SUPT3H: variants seen among roughly 807,000 people sequenced by gnomAD.
SUPT3H encodes SPT3 homolog, SAGA and STAGA complex component.
A neutral mutation model predicts 44.3 loss-of-function variants in SUPT3H; 44 were observed. The observed-to-expected ratio is 0.99, with a 90% CI of 0.78 to 1.28. The LOEUF is 1.28. Among genes scored for constraint, SUPT3H ranks in the 50% most tolerant of loss-of-function variants. The pLI, the probability that SUPT3H is intolerant of heterozygous loss-of-function variation, is 0.00. For missense variants in SUPT3H, 380 were observed against 387.1 expected, an observed-to-expected ratio of 0.98 and a Z score of 0.15; for synonymous variants, 124 against 125.6, an observed-to-expected ratio of 0.99 and a Z score of 0.09.
intron 2 of SUPT3H, among the ~76,000 whole-genome samples, chr6:45,339,610 T>A (rs1279887691): frequency 6.6e-6 from 1 of 151,400 alleles, no homozygotes; most frequent in Non-Finnish European, 1.5e-5. Flanking sequence ...ATAAGGAAAA[T>A]AAGAAGTACA....
chr6:45,373,799 C>T (rs1474581514), intron 1 of SUPT3H, among the ~76,000 whole-genome samples: 1 of 151,892 alleles, frequency 6.6e-6, no homozygotes, highest in Non-Finnish European at 1.5e-5. Context: ...GTGATCCACC[C>T]ATCTCAGCCT....
At chr6:45,267,289 T>C (rs1436167249) in intron 2 of SUPT3H, among the ~76,000 whole-genome samples, 1 of 152,210 alleles carries the variant, frequency 6.6e-6, no homozygotes, top group Non-Finnish European at 1.5e-5. Context: ...ATGCCCTAAT[T>C]AAGGAGTTAA....
intron 1 of SUPT3H, among the ~76,000 whole-genome samples, chr6:45,370,250 C>T (rs967024608): frequency 3.3e-5 from 5 of 152,118 alleles, no homozygotes; most frequent in Non-Finnish European, 5.9e-5. Context: ...TTCTGGAATA[C>T]ATTTTGAAAG....
chr6:44,979,083 C>T (rs1380622059), intron 6 of SUPT3H, among the ~76,000 whole-genome samples: 2 of 152,112 alleles, frequency 1.3e-5, no homozygotes, highest in Non-Finnish European at 1.5e-5. Context: ...TCCTATTGTA[C>T]CACACCAGGT....
chr6:45,149,784 CTA>C (rs1253175619), intron 2 of SUPT3H, among the ~76,000 whole-genome samples: 1 of 152,064 alleles, frequency 6.6e-6, no homozygotes, highest in African/African-American at 2.4e-5. Context: ...CCAAATATCT[CTA>C]TGTTTAGTAT....
chr6:44,971,723 C>A (rs1353956228), intron 6 of SUPT3H, among the ~76,000 whole-genome samples: 8 of 152,184 alleles, frequency 5.3e-5, no homozygotes, highest in African/African-American at 1.9e-4. Context: ...CTCATGTCCT[C>A]ACATTTCAAA....
chr6:45,131,683 A>C (rs1259267613), intron 2 of SUPT3H, among the ~76,000 whole-genome samples: 1 of 152,242 alleles, frequency 6.6e-6, no homozygotes, highest in African/African-American at 2.4e-5. Flanking sequence ...AAAGAAGAAA[A>C]TCTAACATGT....
chr6:45,146,838 G>T (rs1334241206), intron 2 of SUPT3H, among the ~76,000 whole-genome samples: 2 of 152,054 alleles, frequency 1.3e-5, no homozygotes, highest in Admixed American at 1.3e-4. Context: ...AAGTAAGTAG[G>T]AGAGAATGGT....
chr6:44,995,833 G>C (rs1582959746), intron 6 of SUPT3H, among the ~76,000 whole-genome samples: 1 of 151,702 alleles, frequency 6.6e-6, no homozygotes, highest in Non-Finnish European at 1.5e-5. Context: ...TAACAGAGAT[G>C]GTAAATATGT....
chr6:44,911,378 T>C (rs1169321359), intron 10 of SUPT3H, among the ~76,000 whole-genome samples: 2 of 152,174 alleles, frequency 1.3e-5, no homozygotes, highest in East Asian at 1.9e-4. Flanking sequence ...ATCTTCCAAA[T>C]TGTTCCAAAG....
intron 11 of SUPT3H, among the ~76,000 whole-genome samples, chr6:44,811,801 A>G (rs1357678246): frequency 6.6e-6 from 1 of 151,742 alleles, no homozygotes; most frequent in African/African-American, 2.4e-5. Flanking sequence ...ATAAGCCATC[A>G]CTTTGCAGCC....
At chr6:45,302,691 T>C (rs1584803431) in intron 2 of SUPT3H, among the ~76,000 whole-genome samples, 1 of 152,082 alleles carries the variant, frequency 6.6e-6, no homozygotes, top group Non-Finnish European at 1.5e-5. Flanking sequence ...TCTTTTCCTC[T>C]GGGTAGATAC....
At chr6:45,132,138 T>C (rs1305000042) in intron 2 of SUPT3H, among the ~76,000 whole-genome samples, 1 of 152,226 alleles carries the variant, frequency 6.6e-6, no homozygotes, top group African/African-American at 2.4e-5. Context: ...TAACTGAAAC[T>C]GCAGAAAGCT....
chr6:45,056,728 AGAG>A (rs984211805), intron 3 of SUPT3H, among the ~76,000 whole-genome samples: 3 of 152,136 alleles, frequency 2.0e-5, no homozygotes, highest in African/African-American at 7.2e-5. Context: ...GAGGGATAAA[AGAG>A]TATACATTGG....
intron 2 of SUPT3H, among the ~76,000 whole-genome samples, chr6:45,146,689 A>G (rs1453490813): frequency 1.3e-5 from 2 of 152,172 alleles, no homozygotes; most frequent in Non-Finnish European, 2.9e-5. Flanking sequence ...AATAATCACT[A>G]CAAAAGGTGG....
intron 3 of SUPT3H, chr6:45,098,934 A>G (rs1455788685): frequency 1.0e-5 from 5 of 502,032 alleles, no homozygotes. Flanking sequence ...AAGCATCCAG[A>G]GGAAAAGAAA....
intron 10 of SUPT3H, among the ~76,000 whole-genome samples, chr6:44,889,348 G>A (rs1204889101): frequency 3.3e-5 from 5 of 152,082 alleles, no homozygotes; most frequent in South Asian, 2.1e-4. Flanking sequence ...GAGGCATCAC[G>A]CTACCTGACT....
chr6:44,813,034 C>G (rs1459316649), intron 11 of SUPT3H, among the ~76,000 whole-genome samples: 1 of 152,032 alleles, frequency 6.6e-6, no homozygotes, highest in African/African-American at 2.4e-5. Flanking sequence ...CAGAGCTCAC[C>G]AGGGTTGAAG....
intron 3 of SUPT3H, among the ~76,000 whole-genome samples, chr6:45,023,368 T>C (rs1458667585): frequency 6.6e-6 from 1 of 152,044 alleles, no homozygotes; most frequent in Non-Finnish European, 1.5e-5. Context: ...GAAAGCGGTA[T>C]GGTGATTCCT....
Sources: gnomAD v4.1 joint callset for allele counts (sites outside exome capture counted in the v4.1 genomes callset) on GRCh38, gnomAD v4.1.1 for gene constraint, MANE v1.5 for transcripts, NCBI Gene and HGNC (gene_info 2026-07-23, HGNC 2026-07-21) for gene names.